Variants in HS3ST4 observed in about 807,000 individuals in gnomAD.
HS3ST4 encodes heparan sulfate-glucosamine 3-sulfotransferase 4.
HS3ST4 carries 17 observed loss-of-function variants against 29.2 expected under a neutral mutation model. That is an observed-to-expected ratio of 0.58 (90% CI 0.40 to 0.87). The LOEUF (loss-of-function observed/expected upper bound fraction) is 0.87. Among genes scored for constraint, HS3ST4 ranks in the 40% least tolerant of loss-of-function variants. The probability of loss-of-function intolerance (pLI) is 0.00; values close to 1 mark genes in which losing one functional copy is unlikely to be tolerated. For synonymous variants in HS3ST4, 314 were observed against 285.7 expected, an observed-to-expected ratio of 1.10 and a Z score of -1.00; for missense variants, 627 against 634.5, an observed-to-expected ratio of 0.99 and a Z score of 0.13.
intron 1 of HS3ST4, among the ~76,000 whole-genome samples, chr16:25,795,594 C>T (rs925309317): frequency 6.6e-6 from 1 of 152,126 alleles, no homozygotes; most frequent in Non-Finnish European, 1.5e-5. Context: ...TGTTCCTTTT[C>T]CCATTGATGC....
Position 26,135,690 on chromosome 16 carries a change from C to G in HS3ST4, c.813C>G (p.Pro271=). 1 of 1,613,942 alleles carries G rather than the reference C, an allele frequency of 6.2e-7. No homozygotes were observed. The highest frequency in any genetic ancestry group is 1.1e-5 in the South Asian group (1 of 91,058). Residue 271 remains proline (P), a synonymous_variant, in exon 2 of 2, where the codon CCC becomes CCG. Coordinates refer to ENST00000331351, the MANE Select transcript of HS3ST4 (RefSeq NM_006040.3). ...GTTACTTTGTGACAAATGAGGCTCC[C>G]AAGCGCATTCACTCCATGGCCAAGG... ...TPSYFVTNEA[P]KRIHSMAKDI...
intron 1 of HS3ST4, among the ~76,000 whole-genome samples, chr16:25,953,116 C>T (rs1968697257): frequency 6.6e-6 from 1 of 152,164 alleles, no homozygotes; most frequent in Non-Finnish European, 1.5e-5. Flanking sequence ...TGCATCCTGG[C>T]ACAGTTTGAT....
chr16:25,848,450 C>T (rs1046599351), intron 1 of HS3ST4, among the ~76,000 whole-genome samples: 4 of 103,830 alleles, frequency 3.9e-5, no homozygotes, highest in South Asian at 4.1e-4. Context: ...TAATTTTAAA[C>T]GAAAAAATAA....
chr16:25,887,534 T>G (rs1166636448), intron 1 of HS3ST4, among the ~76,000 whole-genome samples: 1 of 152,058 alleles, frequency 6.6e-6, no homozygotes, highest in African/African-American at 2.4e-5. Flanking sequence ...ACATATTAAT[T>G]ACTGACTTGT....
At chr16:25,930,756 C>T (rs1212917831) in intron 1 of HS3ST4, among the ~76,000 whole-genome samples, 1 of 152,134 alleles carries the variant, frequency 6.6e-6, no homozygotes, top group African/African-American at 2.4e-5. Flanking sequence ...AGATTTATGT[C>T]CTACCGATGT....
chr16:25,729,739 C>T (rs551988282), intron 1 of HS3ST4, among the ~76,000 whole-genome samples: 22 of 152,264 alleles, frequency 1.4e-4, no homozygotes, highest in African/African-American at 4.6e-4. Flanking sequence ...TCACGTGGGT[C>T]GTTTTTCACT....
chr16:25,710,348 TC>T (rs762035349), intron 1 of HS3ST4, among the ~76,000 whole-genome samples: 2 of 152,208 alleles, frequency 1.3e-5, no homozygotes, highest in Non-Finnish European at 2.9e-5. Context: ...CAGCAGGAAT[TC>T]CTGGGGGAAC....
chr16:26,052,634 G>A (rs547489285), intron 1 of HS3ST4, among the ~76,000 whole-genome samples: 3 of 152,268 alleles, frequency 2.0e-5, no homozygotes, highest in African/African-American at 7.2e-5. Context: ...GCCTCCCAAA[G>A]TGCTGGGATT....
intron 1 of HS3ST4, among the ~76,000 whole-genome samples, chr16:25,883,135 G>A (rs1161750123): frequency 7.9e-6 from 1 of 126,142 alleles, no homozygotes; most frequent in Non-Finnish European, 1.6e-5. Flanking sequence ...GCTTCTCTCT[G>A]GCCCATACGA....
At chr16:25,899,753 T>G (rs1968104637) in intron 1 of HS3ST4, among the ~76,000 whole-genome samples, 1 of 102,854 alleles carries the variant, frequency 9.7e-6, no homozygotes, top group South Asian at 4.0e-4. Context: ...AAAAAGGTGT[T>G]TTGCTTCTTA....
At chr16:25,919,458 G>C (rs1165457278) in intron 1 of HS3ST4, among the ~76,000 whole-genome samples, 1 of 152,244 alleles carries the variant, frequency 6.6e-6, no homozygotes, top group Non-Finnish European at 1.5e-5. Context: ...TACTCAAATA[G>C]AGTGGTTGAG....
intron 1 of HS3ST4, among the ~76,000 whole-genome samples, chr16:26,013,488 T>A (rs1969331058): frequency 6.6e-6 from 1 of 152,218 alleles, no homozygotes; most frequent in Non-Finnish European, 1.5e-5. Context: ...CTCCTAGGGA[T>A]GTTTTCCAAA....
intron 1 of HS3ST4, among the ~76,000 whole-genome samples, chr16:25,950,414 A>G (rs1270931936): frequency 2.0e-5 from 3 of 152,038 alleles, no homozygotes; most frequent in African/African-American, 7.2e-5. Flanking sequence ...TACTCAGGCA[A>G]TGTTGATTAT....
chr16:25,857,146 G>A (rs1468731642), intron 1 of HS3ST4, among the ~76,000 whole-genome samples: 1 of 152,140 alleles, frequency 6.6e-6, no homozygotes, highest in African/African-American at 2.4e-5. Context: ...TCTCATGTTA[G>A]TCCACAGTAG....
intron 1 of HS3ST4, among the ~76,000 whole-genome samples, chr16:25,759,930 C>G (rs142926120): frequency 3.8e-4 from 58 of 152,010 alleles, no homozygotes; most frequent in African/African-American, 1.4e-3. Flanking sequence ...AGCCACAGAA[C>G]AAGAGAATGG....
At chr16:25,874,881 A>AAGTT (rs1392513446) in intron 1 of HS3ST4, among the ~76,000 whole-genome samples, 21 of 152,122 alleles carry the variant, frequency 1.4e-4, no homozygotes, top group Admixed American at 1.4e-3. Flanking sequence ...GGCCTTGTTC[A>AAGTT]AGTTAGTTAG....
At chr16:25,891,636 C>A (rs1596604699) in intron 1 of HS3ST4, among the ~76,000 whole-genome samples, 1 of 152,154 alleles carries the variant, frequency 6.6e-6, no homozygotes, top group South Asian at 2.1e-4. Flanking sequence ...GCATCACGTA[C>A]TCTAGGTTCA....
rs918756359 is a variant in HS3ST4 at position 25,765,665 on chromosome 16, G to A, written c.734+72514G>A. Among the ~76,000 whole-genome samples the A allele has an allele frequency of 3.3e-5, 5 of 152,118 alleles. No homozygotes were observed. The South Asian group carries it at 8.3e-4, about 25-fold the overall frequency. Reference sequence around the variant, plus strand: ...CAGAGCATTTCTTGGTTAATTTGCCGCTACCAGTCCCAGGGGAGCACCCTC... The same window carrying A: ...CAGAGCATTTCTTGGTTAATTTGCCACTACCAGTCCCAGGGGAGCACCCTC... On this transcript the variant is annotated intron_variant, in intron 1 of 1. Transcript: ENST00000331351.
At chr16:25,788,136 G>A (rs182575230) in intron 1 of HS3ST4, among the ~76,000 whole-genome samples, 1 of 152,116 alleles carries the variant, frequency 6.6e-6, no homozygotes, top group Admixed American at 6.5e-5. Flanking sequence ...ATGCCAGGCC[G>A]GTGCAGTGGC....
Sources: allele counts gnomAD v4.1 joint callset (sites outside exome capture counted in the v4.1 genomes callset), GRCh38; gene constraint gnomAD v4.1.1; transcripts MANE v1.5; gene names NCBI Gene and HGNC (gene_info 2026-07-23, HGNC 2026-07-21).